The following PKD1L3 variants were observed in gnomAD, a reference collection of about 807,000 sequenced individuals.
The protein encoded by PKD1L3 is polycystin 1 like 3, transient receptor potential channel interacting.
PKD1L3 carries 239 observed loss-of-function variants against 184.1 expected under a neutral mutation model. That is an observed-to-expected ratio of 1.30 (90% CI 1.17 to 1.45). The LOEUF (loss-of-function observed/expected upper bound fraction) is 1.45, where lower values mean the gene tolerates loss of function less well. Ranked by LOEUF, PKD1L3 falls within the 40% of genes most tolerant of loss-of-function variation. PKD1L3 has a pLI of 0.00. For synonymous variants in PKD1L3, 996 were observed against 778.8 expected (o/e 1.28, Z -4.64); for missense variants, 2,660 against 2,067.2 (o/e 1.29, Z -5.56).
intron 19 of PKD1L3, among the ~76,000 whole-genome samples, chr16:71,950,978 G>C (rs1268568914): frequency 6.6e-6 from 1 of 151,474 alleles, no homozygotes; most frequent in African/African-American, 2.4e-5. Context: ...TCTGACCTCA[G>C]GTGATCTGCA....
intron 15 of PKD1L3, among the ~76,000 whole-genome samples, chr16:71,963,563 C>T (rs995263943): frequency 1.3e-5 from 2 of 152,174 alleles, no homozygotes; most frequent in African/African-American, 4.8e-5. Context: ...AGGTGGATTG[C>T]TTGAGCTCAG....
At chr16:71,987,740 G>A (rs1203961359) in intron 4 of PKD1L3, among the ~76,000 whole-genome samples, 4 of 152,124 alleles carry the variant, frequency 2.6e-5, no homozygotes, top group Non-Finnish European at 4.4e-5. Flanking sequence ...CCTAGCTTAA[G>A]CGATCCTCCT....
intron 4 of PKD1L3, 82 bp downstream of exon 4, chr16:71,990,198 A>G (rs1014942510): frequency 1.6e-6 from 2 of 1,245,536 alleles, no homozygotes; most frequent in Non-Finnish European, 2.2e-6. Flanking sequence ...AACACTCTAC[A>G]AGATAGAGCT....
chr16:71,985,471 T>C (rs747350666), intron 5 of PKD1L3, among the ~76,000 whole-genome samples: 2 of 152,188 alleles, frequency 1.3e-5, no homozygotes, highest in African/African-American at 2.4e-5. Context: ...GCCTACAGTA[T>C]ACAGTGGCAC....
chr16:71,987,208 C>A (rs920293001), intron 4 of PKD1L3, among the ~76,000 whole-genome samples: 19 of 151,536 alleles, frequency 1.3e-4, no homozygotes, highest in Non-Finnish European at 2.4e-4. Context: ...CAGGCGTGAG[C>A]CACTGCACCC....
intron 16 of PKD1L3, among the ~76,000 whole-genome samples, chr16:71,962,344 C>T (rs975249821): frequency 6.6e-6 from 1 of 152,036 alleles, no homozygotes; most frequent in Admixed American, 6.6e-5. Flanking sequence ...GGTATATTCT[C>T]CTAGGAATAT....
rs1307961709 is a variant in PKD1L3 at position 71,980,052 on chromosome 16, G to A, written c.1226C>T (p.Ser409Phe). ...AFLEQNQSPESSVTLTSANAT... is the reference protein window; with the variant it reads ...AFLEQNQSPEFSVTLTSANAT... ...ATTGGCAGAGGTCAAAGTCACTGAA[G>A]ACTCGGGAGACTGGTTCTGCTCTAG... Residue 409 changes from serine to phenylalanine, a missense_variant, in exon 8 of 30, where the codon TCT becomes TTT. Coordinates refer to ENST00000620267, the MANE Select transcript of PKD1L3 (RefSeq NM_181536.2). 45 of 1,551,848 alleles carry A rather than the reference G, an allele frequency of 2.9e-5. No homozygotes were observed. The highest frequency in any genetic ancestry group is 3.9e-5 in the Non-Finnish European group (45 of 1,147,070).
chr16:71,978,332 C>A lies in PKD1L3; in HGVS notation c.1450G>T (p.Val484Phe). Residue 484 changes from valine to phenylalanine, a missense_variant, in exon 10 of 30, where the codon GTT becomes TTT. By Grantham distance (50) the Val-to-Phe change is conservative. Coordinates refer to ENST00000620267, the MANE Select transcript of PKD1L3 (RefSeq NM_181536.2). ...AGTAACACACTTCCAATGCTTCCAA[C>A]AATGTTTCTGTTGTCCAAATCCTTG... ...PFKDLDNRNI[V>F]GSIGSVLLSA... is the part of the protein sequence containing the mutation. 1 of 1,550,786 alleles carries A rather than the reference C, an allele frequency of 6.4e-7. No individual in the cohort carries two copies. Among genetic ancestry groups the A allele is most frequent in the Non-Finnish European group, 8.7e-7 (1 of 1,146,486 alleles).
intron 10 of PKD1L3, 90 bp from the exon 11 acceptor site, chr16:71,977,557 G>GATCTTC: frequency 1.0e-5 from 7 of 671,624 alleles, no homozygotes; most frequent in Non-Finnish European, 1.3e-5. Flanking sequence ...AAACGTCCTA[G>GATCTTC]CTCTTTTTTT....
At chr16:71,961,686 G>C (rs1052265442) in intron 16 of PKD1L3, among the ~76,000 whole-genome samples, 1 of 152,060 alleles carries the variant, frequency 6.6e-6, no homozygotes, top group African/African-American at 2.4e-5. Flanking sequence ...ATGAGTAACA[G>C]ACCCAGCCAG....
In PKD1L3 at chr16:71,969,253, C is replaced by T. The variant is rs908923337; in HGVS notation, c.2184+622G>A. 1.8e-4 allele frequency among the ~76,000 whole-genome samples: 28 copies of T among 152,210 alleles called. 1 individual carries two copies. The highest frequency in any genetic ancestry group is 2.1e-4 in the Non-Finnish European group (14 of 68,006). Reference sequence around the variant, plus strand: ...GCCAAGTTACATGTAACTTTCATATCCAATGTATAAAGTAAGATAAACTTG... The same window carrying T: ...GCCAAGTTACATGTAACTTTCATATTCAATGTATAAAGTAAGATAAACTTG... On this transcript the variant is annotated intron_variant, in intron 13 of 29. Coordinates refer to ENST00000620267, the MANE Select transcript of PKD1L3 (RefSeq NM_181536.2).
intron 2 of PKD1L3, among the ~76,000 whole-genome samples, chr16:71,994,480 C>T (rs59183813): frequency 2.0e-5 from 3 of 152,292 alleles, no homozygotes; most frequent in East Asian, 3.9e-4. Flanking sequence ...CCTACTCCTA[C>T]CCAAAGTGAA....
chr16:71,933,061 C>G (rs2038043190), intron 28 of PKD1L3, among the ~76,000 whole-genome samples: 1 of 152,044 alleles, frequency 6.6e-6, no homozygotes, highest in Admixed American at 6.6e-5. Context: ...ATGGCTTGAA[C>G]CAACTTACCC....
chr16:71,973,773 G>A (rs945758415), intron 11 of PKD1L3, among the ~76,000 whole-genome samples: 9 of 152,130 alleles, frequency 5.9e-5, no homozygotes, highest in South Asian at 2.1e-4. Context: ...AAGCTGATGC[G>A]GGCGGATCAC....
At chr16:71,983,663 C>CTTT (rs1180950058) in intron 6 of PKD1L3, among the ~76,000 whole-genome samples, 29 of 100,336 alleles carry the variant, frequency 2.9e-4, no homozygotes, top group East Asian at 2.8e-4. Context: ...GATTCTCTTT[C>CTTT]TTTTTTTTTT....
intron 6 of PKD1L3, 103 bp downstream of exon 6, chr16:71,983,933 G>A: frequency 7.0e-7 from 1 of 1,435,826 alleles, no homozygotes. Context: ...AAAGTGCTGG[G>A]ATTACAGGCG....
intron 2 of PKD1L3, among the ~76,000 whole-genome samples, chr16:71,997,422 C>CA (rs1555528487): frequency 2.0e-5 from 3 of 149,750 alleles, no homozygotes; most frequent in Non-Finnish European, 4.4e-5. Context: ...CCCCCCCCCC[C>CA]ACAACCACTC....
At chr16:71,969,146 G>A (rs371900838) in intron 13 of PKD1L3, among the ~76,000 whole-genome samples, 4 of 150,790 alleles carry the variant, frequency 2.7e-5, no homozygotes, top group South Asian at 2.1e-4. Flanking sequence ...GGCCAGGCTG[G>A]TCTCAAACTC....
intron 22 of PKD1L3, among the ~76,000 whole-genome samples, chr16:71,947,050 G>C (rs1170067008): frequency 6.6e-6 from 1 of 151,884 alleles, no homozygotes; most frequent in African/African-American, 2.4e-5. Context: ...GAGGTCAGGA[G>C]TTCAAGACCA....
Sources: allele counts gnomAD v4.1 joint callset (sites outside exome capture counted in the v4.1 genomes callset), GRCh38; gene constraint gnomAD v4.1.1; transcripts MANE v1.5; gene names NCBI Gene and HGNC (gene_info 2026-07-23, HGNC 2026-07-21).